Variants in GSTCD observed in about 807,000 individuals in gnomAD.
The protein encoded by GSTCD is glutathione S-transferase C-terminal domain-containing protein.
GSTCD carries 44 observed loss-of-function variants against 68.3 expected under a neutral mutation model. The observed-to-expected ratio is 0.64, with a 90% CI of 0.51 to 0.83. The LOEUF is 0.83. GSTCD is among the 40% of genes least tolerant of loss of function. The probability of loss-of-function intolerance (pLI) is 0.00; values close to 1 mark genes in which losing one functional copy is unlikely to be tolerated. For missense variants in GSTCD, 739 were observed against 735.9 expected, an observed-to-expected ratio of 1.00 and a Z score of -0.05; for synonymous variants, 273 against 255.2, an observed-to-expected ratio of 1.07 and a Z score of -0.67.
chr4:105,825,116 G>A (rs1187571472), intron 7 of GSTCD, among the ~76,000 whole-genome samples: 1 of 149,914 alleles, frequency 6.7e-6, no homozygotes, highest in Non-Finnish European at 1.5e-5. Context: ...TGGTTGGTTG[G>A]TTGGTTGGTT....
intron 5 of GSTCD, among the ~76,000 whole-genome samples, chr4:105,764,436 A>G (rs570780463): frequency 6.6e-6 from 1 of 152,338 alleles, no homozygotes; most frequent in South Asian, 2.1e-4. Flanking sequence ...AGGCTGCCAT[A>G]ACAAAAGACC....
At chr4:105,735,166 T>C (rs896722171) in intron 5 of GSTCD, among the ~76,000 whole-genome samples, 1 of 152,108 alleles carries the variant, frequency 6.6e-6, no homozygotes, top group Non-Finnish European at 1.5e-5. Flanking sequence ...AGTTCTCAGA[T>C]CTCAAACTCT....
chr4:105,728,060 C>T (rs1288295008), intron 4 of GSTCD, among the ~76,000 whole-genome samples: 1 of 152,072 alleles, frequency 6.6e-6, no homozygotes, highest in Non-Finnish European at 1.5e-5. Flanking sequence ...AGCAATGAAA[C>T]ATGATTATAT....
At chr4:105,754,595 A>G (rs922680670) in intron 5 of GSTCD, among the ~76,000 whole-genome samples, 8 of 152,212 alleles carry the variant, frequency 5.3e-5, no homozygotes, top group African/African-American at 1.7e-4. Flanking sequence ...TACACAGCAA[A>G]TATTTTCTAA....
At chr4:105,739,316 T>G (rs562182471) in intron 5 of GSTCD, among the ~76,000 whole-genome samples, 1 of 152,274 alleles carries the variant, frequency 6.6e-6, no homozygotes, top group African/African-American at 2.4e-5. Flanking sequence ...TTGTATAAGT[T>G]TTTTTGTTGT....
intron 5 of GSTCD, among the ~76,000 whole-genome samples, chr4:105,765,487 C>T (rs923442905): frequency 6.6e-6 from 1 of 152,136 alleles, no homozygotes; most frequent in African/African-American, 2.4e-5. Context: ...CTTGAAACAG[C>T]GCAACTAAGA....
chr4:105,724,996 C>T (rs777964953), intron 3 of GSTCD, among the ~76,000 whole-genome samples: 3 of 151,852 alleles, frequency 2.0e-5, no homozygotes, highest in Non-Finnish European at 4.4e-5. Context: ...AAAGGGTTTC[C>T]AGATTGGAAT....
chr4:105,785,606 TAACA>T (rs1329451392), intron 5 of GSTCD, among the ~76,000 whole-genome samples: 1 of 152,130 alleles, frequency 6.6e-6, no homozygotes, highest in Non-Finnish European at 1.5e-5. Context: ...TTAAAACACT[TAACA>T]AACTAGGAAA....
intron 5 of GSTCD, among the ~76,000 whole-genome samples, chr4:105,739,014 A>T (rs1418500184): frequency 6.6e-6 from 1 of 152,192 alleles, no homozygotes; most frequent in Non-Finnish European, 1.5e-5. Flanking sequence ...TGTTCCTTTT[A>T]TACCCAGTTT....
At chr4:105,841,856 C>CA (rs1724356538) in intron 10 of GSTCD, among the ~76,000 whole-genome samples, 1 of 151,814 alleles carries the variant, frequency 6.6e-6, no homozygotes, top group African/African-American at 2.4e-5. Context: ...CAAAACAAAA[C>CA]AAAAAAATAC....
Position 105,717,814 on chromosome 4 carries a change from G to C in GSTCD, c.201G>C (p.Leu67=). 1 of 1,614,044 alleles carries C rather than the reference G, an allele frequency of 6.2e-7. No individual in the cohort carries two copies. Among genetic ancestry groups the C allele is most frequent in the Non-Finnish European group, 8.5e-7 (1 of 1,179,930 alleles). ...SRDSSLLRDD[L]IQDVEIQIIS... ...ATAGTTCACTACTAAGAGATGACCT[G>C]ATCCAGGATGTTGAAATACAGATTA... The change falls in exon 2 of 12, where the codon CTG becomes CTC. Residue 67 remains leucine, a synonymous_variant. Coordinates refer to ENST00000515279, the MANE Select transcript of GSTCD (RefSeq NM_001370181.1).
chr4:105,842,737 A>G (rs1363108466), intron 11 of GSTCD, among the ~76,000 whole-genome samples: 1 of 152,244 alleles, frequency 6.6e-6, no homozygotes, highest in Non-Finnish European at 1.5e-5. Context: ...AATGCTCTTG[A>G]CTGTTATCTT....
chr4:105,766,929 A>G (rs76019601), intron 5 of GSTCD, among the ~76,000 whole-genome samples: 5,166 of 28,866 alleles, frequency 0.18, 368 homozygotes, highest in African/African-American at 0.32. Context: ...TTGCTTTTCT[A>G]TAGCATTTTT....
At chr4:105,815,329 C>T (rs1440041512) in intron 5 of GSTCD, 1 of 151,990 alleles carries the variant, frequency 6.6e-6, no homozygotes, top group Non-Finnish European at 1.5e-5. Flanking sequence ...AAAAGAGCAC[C>T]ATGTTGTTTC....
intron 5 of GSTCD, among the ~76,000 whole-genome samples, chr4:105,777,399 C>T (rs1735114159): frequency 1.3e-5 from 2 of 152,154 alleles, no homozygotes; most frequent in Admixed American, 1.3e-4. Flanking sequence ...TCAGAATTCC[C>T]GAAACCTCTT....
chr4:105,781,815 T>A (rs1274456718), intron 5 of GSTCD, among the ~76,000 whole-genome samples: 1 of 151,722 alleles, frequency 6.6e-6, no homozygotes, highest in Non-Finnish European at 1.5e-5. Context: ...TTTTTTTTTT[T>A]AACAAAGATA....
At chr4:105,734,557 T>C (rs377669577) in intron 5 of GSTCD, among the ~76,000 whole-genome samples, 1 of 152,228 alleles carries the variant, frequency 6.6e-6, no homozygotes, top group South Asian at 2.1e-4. Flanking sequence ...TAAGGACTTC[T>C]CTACTCTGGT....
intron 5 of GSTCD, among the ~76,000 whole-genome samples, chr4:105,760,456 A>G (rs1369486173): frequency 1.3e-5 from 2 of 152,132 alleles, no homozygotes; most frequent in African/African-American, 4.8e-5. Flanking sequence ...TGATCTTACC[A>G]GCTAGATTTT....
chr4:105,845,361 C>G (rs1231339998), intron 11 of GSTCD, 80 bp from the exon 12 acceptor site: 1 of 1,522,994 alleles, frequency 6.6e-7, no homozygotes, highest in Non-Finnish European at 9.1e-7. Context: ...GATTTTGTCA[C>G]TATATAGATT....
Sources: gnomAD v4.1 joint callset for allele counts (sites outside exome capture counted in the v4.1 genomes callset) on GRCh38, gnomAD v4.1.1 for gene constraint, MANE v1.5 for transcripts, NCBI Gene and HGNC (gene_info 2026-07-23, HGNC 2026-07-21) for gene names.